EPB41L4A: variants seen among roughly 807,000 people sequenced by gnomAD.
EPB41L4A encodes band 4.1-like protein 4A.
In EPB41L4A, 100 loss-of-function variants were observed where a neutral mutation model predicts 108.6. The observed-to-expected ratio is 0.92, with a 90% CI of 0.78 to 1.09. The LOEUF is 1.09. Among genes scored for constraint, EPB41L4A ranks in the 50% least tolerant of loss-of-function variants. The pLI is 0.00. For synonymous variants in EPB41L4A, 319 were observed against 289.0 expected (o/e 1.10, Z -1.05); for missense variants, 1,030 against 842.7 (o/e 1.22, Z -2.75).
intron 1 of EPB41L4A, among the ~76,000 whole-genome samples, chr5:112,368,589 G>A (rs1185221966): frequency 5.3e-5 from 8 of 151,674 alleles, no homozygotes; most frequent in Admixed American, 2.0e-4. Context: ...TCCTTTCCTT[G>A]AGCCCAGGCC....
chr5:112,196,389 G>A (rs752436163), intron 15 of EPB41L4A, among the ~76,000 whole-genome samples: 12 of 152,118 alleles, frequency 7.9e-5, no homozygotes, highest in Admixed American at 3.3e-4. Flanking sequence ...AGGATAAAAC[G>A]AATTAATACA....
At chr5:112,325,868 G>A (rs184101550) in intron 1 of EPB41L4A, among the ~76,000 whole-genome samples, 7 of 152,274 alleles carry the variant, frequency 4.6e-5, no homozygotes, top group Admixed American at 2.0e-4. Context: ...ACTACAGGAC[G>A]GGCACAGTGG....
At chr5:112,364,084 G>C (rs1289637788) in intron 1 of EPB41L4A, among the ~76,000 whole-genome samples, 1 of 152,204 alleles carries the variant, frequency 6.6e-6, no homozygotes, top group Admixed American at 6.5e-5. Context: ...CTGGAGTGCA[G>C]TGGCGCAACC....
chr5:112,359,361 C>G (rs1016208120), intron 1 of EPB41L4A, among the ~76,000 whole-genome samples: 1 of 152,176 alleles, frequency 6.6e-6, no homozygotes, highest in African/African-American at 2.4e-5. Flanking sequence ...CTGAGAGAAA[C>G]TGCCTAGCCA....
chr5:112,222,819 G>C (rs1748160978), intron 12 of EPB41L4A, among the ~76,000 whole-genome samples: 1 of 152,158 alleles, frequency 6.6e-6, no homozygotes, highest in Admixed American at 6.6e-5. Flanking sequence ...GGAGAGAAGA[G>C]AGGAGCAAGT....
chr5:112,222,981 G>A (rs537069784), intron 12 of EPB41L4A, among the ~76,000 whole-genome samples: 116 of 147,080 alleles, frequency 7.9e-4, no homozygotes, highest in African/African-American at 2.9e-3. Context: ...TGGCTCTGTC[G>A]CCCAGGCTGG....
intron 1 of EPB41L4A, among the ~76,000 whole-genome samples, chr5:112,379,406 G>T (rs1333540486): frequency 6.6e-6 from 1 of 152,084 alleles, no homozygotes; most frequent in Non-Finnish European, 1.5e-5. Flanking sequence ...AAGAGTAGAG[G>T]TCTAAAATCA....
At chr5:112,361,742 C>T (rs1758782712) in intron 1 of EPB41L4A, among the ~76,000 whole-genome samples, 1 of 151,080 alleles carries the variant, frequency 6.6e-6, no homozygotes, top group South Asian at 2.1e-4. Flanking sequence ...AATAAACTGA[C>T]TGGGTGTGGT....
rs114429832 is a variant in EPB41L4A at position 112,191,624 on chromosome 5, A to G, written c.1502+2944T>C. On this transcript the variant is annotated intron_variant, in intron 17 of 22. Transcript: ENST00000261486. ...TTGACTTCGTGGAAAAAAGAAAACA[A>G]TATTTCCATGGAGTGGCCTCATGCC... is the stretch of plus-strand genomic sequence containing the variant. Among the ~76,000 whole-genome samples, 1,091 of 152,094 alleles carry G rather than the reference A, an allele frequency of 7.2e-3. 17 individuals are homozygous for G. Among genetic ancestry groups the G allele is most frequent in the African/African-American group, 0.024 (1,013 of 41,468 alleles).
At chr5:112,357,340 GGTTGGGCCTTTACAGAAAT>G (rs150265701) in intron 1 of EPB41L4A, among the ~76,000 whole-genome samples, 2,262 of 152,286 alleles carry the variant, frequency 0.015, 61 homozygotes, top group African/African-American at 0.052. Context: ...CAAGCTATAA[GGTTGGGCCTTTACAGAAAT>G]GTTCTATCAA....
intron 12 of EPB41L4A, among the ~76,000 whole-genome samples, chr5:112,151,578 T>C (rs1015567496): frequency 6.6e-6 from 1 of 151,868 alleles, no homozygotes; most frequent in African/African-American, 2.4e-5. Context: ...CAGATAATTT[T>C]TGTATTTCTT....
intron 1 of EPB41L4A, among the ~76,000 whole-genome samples, chr5:112,407,188 G>C (rs1762123515): frequency 6.6e-6 from 1 of 152,152 alleles, no homozygotes; most frequent in Non-Finnish European, 1.5e-5. Flanking sequence ...AGATTCTCTT[G>C]ACAAAGGGAG....
intron 1 of EPB41L4A, among the ~76,000 whole-genome samples, chr5:112,330,735 A>C (rs1379847111): frequency 6.6e-6 from 1 of 151,680 alleles, no homozygotes; most frequent in Non-Finnish European, 1.5e-5. Context: ...AGAGTATTCT[A>C]TTCTATCTTT....
rs1327547614 is a variant in EPB41L4A, at chr5:112,384,845, T to A, written c.99+34096A>T. On this transcript the variant is annotated intron_variant, in intron 1 of 22. Coordinates refer to ENST00000261486, the MANE Select transcript of EPB41L4A (RefSeq NM_022140.5). ...AGAAATAATGGAATCACAATGGAAT[T>A]TTGCCTCTGTTTTAGAGACATAATT... 2.6e-5 allele frequency among the ~76,000 whole-genome samples: 4 copies of A among 152,260 alleles called. No homozygotes were observed. In the East Asian group the frequency reaches 7.7e-4, roughly 29 times the overall value.
At chr5:112,314,220 C>G (rs897697770) in intron 1 of EPB41L4A, among the ~76,000 whole-genome samples, 2 of 151,842 alleles carry the variant, frequency 1.3e-5, no homozygotes, top group East Asian at 3.9e-4. Context: ...CAAACTATTA[C>G]GGGCCATTAT....
In EPB41L4A at chr5:112,303,405, A is replaced by C. The variant is rs569272748; in HGVS notation, c.204+3981T>G. 1.1e-3 allele frequency among the ~76,000 whole-genome samples: 173 copies of C among 152,316 alleles called. 1 individual carries two copies. The highest frequency in any genetic ancestry group is 6.8e-3 in the Middle Eastern group (2 of 294). ...TTTAGATGGTTAAGGAAATTATCTCAGAGGTAAACAGTACTAGCAAAGGTA... is the reference window on the plus strand; with the variant it reads ...TTTAGATGGTTAAGGAAATTATCTCCGAGGTAAACAGTACTAGCAAAGGTA... On this transcript the variant is annotated intron_variant, in intron 2 of 22. Coordinates refer to ENST00000261486, the MANE Select transcript of EPB41L4A (RefSeq NM_022140.5).
intron 1 of EPB41L4A, among the ~76,000 whole-genome samples, chr5:112,386,216 T>C (rs1228361989): frequency 2.0e-5 from 3 of 152,144 alleles, no homozygotes; most frequent in African/African-American, 7.2e-5. Flanking sequence ...AAATGTACAG[T>C]GAAGAAATAA....
intron 6 of EPB41L4A, among the ~76,000 whole-genome samples, chr5:112,263,229 T>C (rs1041372888): frequency 1.3e-5 from 2 of 152,146 alleles, no homozygotes; most frequent in African/African-American, 4.8e-5. Context: ...TAAATATGCA[T>C]GTGCAAGCGA....
rs1049970551 is a variant in EPB41L4A, at chr5:112,202,637, C to A, written c.1376+1738G>T. Among the ~76,000 whole-genome samples the A allele has an allele frequency of 2.0e-5, 3 of 152,100 alleles. No individual in the cohort carries two copies. In the East Asian group the frequency reaches 5.8e-4, roughly 29 times the overall value. Reference sequence around the variant, plus strand: ...AATCATTGTTGGACCTGATCTAGCACCCTCATGTCAGTCCTACTACATGAA... The same window carrying A: ...AATCATTGTTGGACCTGATCTAGCAACCTCATGTCAGTCCTACTACATGAA... On this transcript the variant is annotated intron_variant, in intron 15 of 22. Coordinates refer to ENST00000261486, the MANE Select transcript of EPB41L4A (RefSeq NM_022140.5).
Sources: allele counts gnomAD v4.1 joint callset (sites outside exome capture counted in the v4.1 genomes callset), GRCh38; gene constraint gnomAD v4.1.1; transcripts MANE v1.5; gene names NCBI Gene and HGNC (gene_info 2026-07-23, HGNC 2026-07-21).